The following IL1R1 variants were observed in gnomAD, a reference collection of about 807,000 sequenced individuals.
IL1R1 encodes interleukin 1 receptor type 1.
In IL1R1, 22 loss-of-function variants were observed where a neutral mutation model predicts 50.2. The observed-to-expected ratio is 0.44, with a 90% CI of 0.31 to 0.63. IL1R1 has a LOEUF of 0.63. IL1R1 is among the 20% of genes least tolerant of loss of function. The pLI, the probability that IL1R1 is intolerant of heterozygous loss-of-function variation, is 0.07. For missense variants in IL1R1, 509 were observed against 676.2 expected (o/e 0.75, Z 2.74); for synonymous variants, 251 against 236.7 (o/e 1.06, Z -0.55).
At chr2:102,117,673 T>C (rs1022579413) in intron 1 of IL1R1, among the ~76,000 whole-genome samples, 3 of 152,202 alleles carry the variant, frequency 2.0e-5, no homozygotes, top group Non-Finnish European at 2.9e-5. Context: ...CTTGTTTAGA[T>C]GTGGTCCAAG....
intron 3 of IL1R1, among the ~76,000 whole-genome samples, chr2:102,160,003 T>TC (rs1266228664): frequency 1.3e-5 from 2 of 152,206 alleles, no homozygotes; most frequent in Admixed American, 6.5e-5. Context: ...TTTTTGCCAG[T>TC]CTTTTTGTTG....
intron 1 of IL1R1, among the ~76,000 whole-genome samples, chr2:102,132,704 C>T (rs1226039171): frequency 6.6e-6 from 1 of 152,084 alleles, no homozygotes; most frequent in East Asian, 1.9e-4. Context: ...AAACCTTTAG[C>T]TGGATTGACT....
At chr2:102,175,757 T>A in intron 11 of IL1R1, 112 bp downstream of exon 11, 1 of 923,782 alleles carries the variant, frequency 1.1e-6, no homozygotes, top group Non-Finnish European at 1.8e-6. Context: ...TTCACAATTT[T>A]AAGAACCTCT....
intron 1 of IL1R1, among the ~76,000 whole-genome samples, chr2:102,070,701 T>C (rs767019690): frequency 6.6e-6 from 1 of 152,040 alleles, no homozygotes; most frequent in Non-Finnish European, 1.5e-5. Flanking sequence ...CAAGCAAAAA[T>C]AAATTTCCAG....
chr2:102,123,777 T>TAATAAAATAA (rs57287555), intron 1 of IL1R1, among the ~76,000 whole-genome samples: 57 of 148,940 alleles, frequency 3.8e-4, no homozygotes, highest in African/African-American at 1.3e-3. Context: ...GACTGTGTCT[T>TAATAAAATAA]AATAAAATAA....
At chr2:102,117,352 A>G (rs543560210) in intron 1 of IL1R1, among the ~76,000 whole-genome samples, 1 of 152,294 alleles carries the variant, frequency 6.6e-6, no homozygotes, top group Non-Finnish European at 1.5e-5. Flanking sequence ...CTGACAGAAC[A>G]CAGCTGGAAA....
chr2:102,078,756 C>G (rs370782706), intron 1 of IL1R1, among the ~76,000 whole-genome samples: 9 of 152,056 alleles, frequency 5.9e-5, no homozygotes, highest in African/African-American at 2.2e-4. Context: ...GTCAGTATTA[C>G]CCCGGTACCA....
chr2:102,084,800 A>C (rs1441364165), intron 1 of IL1R1, among the ~76,000 whole-genome samples: 1 of 152,220 alleles, frequency 6.6e-6, no homozygotes, highest in African/African-American at 2.4e-5. Flanking sequence ...GTTCCTCAGC[A>C]GTAGTTACTG....
intron 1 of IL1R1, among the ~76,000 whole-genome samples, chr2:102,121,553 A>C (rs886900475): frequency 6.6e-6 from 1 of 152,152 alleles, no homozygotes; most frequent in Non-Finnish European, 1.5e-5. Context: ...CTCTACAGGA[A>C]GGGCCTCCCT....
chr2:102,075,274 A>T (rs1678909723), intron 1 of IL1R1, among the ~76,000 whole-genome samples: 1 of 152,184 alleles, frequency 6.6e-6, no homozygotes, highest in African/African-American at 2.4e-5. Context: ...TCTGTTAATC[A>T]GTTTGCACAG....
chr2:102,081,807 TC>T (rs1679220097), intron 1 of IL1R1, among the ~76,000 whole-genome samples: 1 of 152,216 alleles, frequency 6.6e-6, no homozygotes, highest in Non-Finnish European at 1.5e-5. Context: ...TCCAGTGGCT[TC>T]CTCTCTTGAT....
intron 1 of IL1R1, among the ~76,000 whole-genome samples, chr2:102,098,979 T>C (rs1680019186): frequency 6.6e-6 from 1 of 152,210 alleles, no homozygotes; most frequent in Non-Finnish European, 1.5e-5. Flanking sequence ...TTGTGACTCA[T>C]ACTTAGAACC....
intron 1 of IL1R1, among the ~76,000 whole-genome samples, chr2:102,114,987 A>G (rs763523238): frequency 1.6e-4 from 25 of 152,170 alleles, no homozygotes; most frequent in Non-Finnish European, 2.9e-4. Flanking sequence ...CCTCGGTGAC[A>G]TACAAATAGG....
chr2:102,071,165 T>C (rs559199801), intron 1 of IL1R1, among the ~76,000 whole-genome samples: 21 of 152,290 alleles, frequency 1.4e-4, no homozygotes, highest in African/African-American at 4.6e-4. Context: ...TGTATACTTA[T>C]ATATATAAAG....
At chr2:102,149,612 G>A (rs943124990) in intron 1 of IL1R1, among the ~76,000 whole-genome samples, 1 of 152,120 alleles carries the variant, frequency 6.6e-6, no homozygotes, top group Non-Finnish European at 1.5e-5. Context: ...TGGGATCCCT[G>A]AATTCCCTCC....
At chr2:102,078,654 A>G (rs536114556) in intron 1 of IL1R1, among the ~76,000 whole-genome samples, 9 of 151,938 alleles carry the variant, frequency 5.9e-5, no homozygotes, top group African/African-American at 2.2e-4. Flanking sequence ...GGTGAATTCC[A>G]CCAAACATTT....
intron 1 of IL1R1, among the ~76,000 whole-genome samples, chr2:102,146,467 C>G (rs143623285): frequency 1.3e-3 from 191 of 152,260 alleles, no homozygotes; most frequent in Middle Eastern, 0.01. Context: ...CTAAGCTGAA[C>G]TACAACCTAG....
At chr2:102,085,064 T>G (rs1679377213) in intron 1 of IL1R1, among the ~76,000 whole-genome samples, 1 of 152,234 alleles carries the variant, frequency 6.6e-6, no homozygotes, top group Admixed American at 6.5e-5. Flanking sequence ...CTTTTGTTTG[T>G]ATTTCTATTG....
At chr2:102,106,801 T>C (rs182700068) in intron 1 of IL1R1, among the ~76,000 whole-genome samples, 4 of 152,358 alleles carry the variant, frequency 2.6e-5, no homozygotes, top group South Asian at 4.1e-4. Flanking sequence ...GAATGAGTTT[T>C]CTTTTACAAA....
Sources: allele counts gnomAD v4.1 joint callset (sites outside exome capture counted in the v4.1 genomes callset), GRCh38; gene constraint gnomAD v4.1.1; transcripts MANE v1.5; gene names NCBI Gene and HGNC (gene_info 2026-07-23, HGNC 2026-07-21).